TPST1: variants seen among roughly 807,000 people sequenced by gnomAD.
TPST1 encodes the protein protein-tyrosine sulfotransferase 1.
In TPST1, 20 loss-of-function variants were observed where a neutral mutation model predicts 34.8. That is an observed-to-expected ratio of 0.57 (90% CI 0.40 to 0.84). The LOEUF is 0.84. Ranked by LOEUF, TPST1 falls within the 40% of genes least tolerant of loss-of-function variation. The pLI, the probability that TPST1 is intolerant of heterozygous loss-of-function variation, is 0.00. For missense variants in TPST1, 353 were observed against 455.5 expected (o/e 0.78, Z 2.05); for synonymous variants, 152 against 159.4 (o/e 0.95, Z 0.35).
At chr7:66,308,085 T>G (rs538273477) in intron 3 of TPST1, among the ~76,000 whole-genome samples, 81 of 152,342 alleles carry the variant, frequency 5.3e-4, no homozygotes, top group Middle Eastern at 6.8e-3. Context: ...CCATCACTCC[T>G]TTGACACAAA....
chr7:66,296,262 CCA>C (rs1554349812), intron 3 of TPST1, among the ~76,000 whole-genome samples: 1,052 of 41,746 alleles, frequency 0.025, 39 homozygotes, highest in East Asian at 0.034. Context: ...CCCCCCTCCC[CCA>C]CCGTCTCTGC....
chr7:66,250,606 T>C (rs535318827), intron 2 of TPST1, among the ~76,000 whole-genome samples: 8 of 152,188 alleles, frequency 5.3e-5, no homozygotes, highest in Non-Finnish European at 1.2e-4. Context: ...GCAGATGATA[T>C]GTTCCAAGAC....
chr7:66,209,133 C>G (rs1308607919), intron 1 of TPST1, among the ~76,000 whole-genome samples: 1 of 151,956 alleles, frequency 6.6e-6, no homozygotes, highest in Non-Finnish European at 1.5e-5. Flanking sequence ...ATTAGCCGGG[C>G]GTGGTGGTGG....
In TPST1 at chr7:66,286,543, C is replaced by G; in HGVS notation, c.878C>G (p.Pro293Arg). 1 of 1,601,266 alleles carries G rather than the reference C, an allele frequency of 6.2e-7. No homozygotes were observed. The highest frequency in any genetic ancestry group is 2.3e-5 in the East Asian group (1 of 43,910). ...VERSTDQVIK[P>R]VNVGALSKWV... ...AGATCTACAGACCAAGTAATCAAGC[C>G]AGTCAATGTAGGAGCTCTATCAAAA... The change falls in exon 3 of 6, where the codon CCA (proline) becomes CGA (arginine). Residue 293 changes from proline (P) to arginine (R), a missense_variant. By Grantham distance (103) the Pro-to-Arg change is moderately radical (BLOSUM62 -2). Transcript: ENST00000304842.
At chr7:66,247,764 G>GT (rs1194822242) in intron 2 of TPST1, among the ~76,000 whole-genome samples, 1 of 152,152 alleles carries the variant, frequency 6.6e-6, no homozygotes, top group African/African-American at 2.4e-5. Context: ...ACTCCTGGGA[G>GT]AAGCCTGTGC....
intron 1 of TPST1, among the ~76,000 whole-genome samples, chr7:66,225,876 GTTTTGT>G (rs368227012): frequency 2.4e-4 from 36 of 152,158 alleles, no homozygotes; most frequent in South Asian, 4.2e-4. Flanking sequence ...TTAGGTACCT[GTTTTGT>G]TTTTGTTTTT....
chr7:66,268,041 C>CT (rs1790626727), intron 2 of TPST1, among the ~76,000 whole-genome samples: 1 of 152,048 alleles, frequency 6.6e-6, no homozygotes. Flanking sequence ...CAACCTCCTC[C>CT]TCTCGGGCTG....
intron 3 of TPST1, among the ~76,000 whole-genome samples, chr7:66,302,043 A>T (rs910174152): frequency 6.6e-6 from 1 of 152,218 alleles, no homozygotes; most frequent in Non-Finnish European, 1.5e-5. Flanking sequence ...TTAACTGCAT[A>T]CTGGACCTTT....
intron 3 of TPST1, among the ~76,000 whole-genome samples, chr7:66,314,125 A>T (rs997995678): frequency 3.5e-4 from 53 of 152,256 alleles, no homozygotes; most frequent in African/African-American, 1.2e-3. Context: ...AGGTATCCAC[A>T]TCTGAAGGCG....
At chr7:66,230,718 C>G (rs1033701347) in intron 1 of TPST1, among the ~76,000 whole-genome samples, 1 of 152,070 alleles carries the variant, frequency 6.6e-6, no homozygotes, top group African/African-American at 2.4e-5. Context: ...ACAAAGCTTC[C>G]ACAGTGTGGA....
intron 3 of TPST1, among the ~76,000 whole-genome samples, chr7:66,328,886 C>CTCTCTCTCTATATATA (rs757168858): frequency 4.5e-5 from 1 of 22,096 alleles, no homozygotes; most frequent in Non-Finnish European, 7.4e-5. Flanking sequence ...CTCTCTCTCT[C>CTCTCTCTCTATATATA]TATATATATA....
At chr7:66,321,307 A>T (rs1412306970) in intron 3 of TPST1, among the ~76,000 whole-genome samples, 1 of 152,252 alleles carries the variant, frequency 6.6e-6, no homozygotes, top group African/African-American at 2.4e-5. Flanking sequence ...TTTTGTGTCC[A>T]GAGTTTTTAT....
intron 3 of TPST1, among the ~76,000 whole-genome samples, chr7:66,327,885 C>T (rs887712130): frequency 6.6e-6 from 1 of 151,676 alleles, no homozygotes; most frequent in Non-Finnish European, 1.5e-5. Flanking sequence ...TTTTTAAAAA[C>T]TGATTTTAGT....
At chr7:66,342,196 A>T (rs1436474223) in intron 3 of TPST1, among the ~76,000 whole-genome samples, 2 of 152,196 alleles carry the variant, frequency 1.3e-5, no homozygotes, top group African/African-American at 4.8e-5. Flanking sequence ...ACCAAGGACA[A>T]AGAGAAGCTG....
intron 2 of TPST1, among the ~76,000 whole-genome samples, chr7:66,264,202 G>A (rs907391793): frequency 6.6e-6 from 1 of 152,182 alleles, no homozygotes; most frequent in Non-Finnish European, 1.5e-5. Context: ...AAATAATTTA[G>A]TCATTGCTTC....
chr7:66,356,701 T>G, intron 4 of TPST1, 124 bp from the exon 5 acceptor site: 1 of 1,044,846 alleles, frequency 9.6e-7, no homozygotes, highest in South Asian at 1.4e-5. Context: ...ACCACAGTAG[T>G]GCACTGAGTT....
chr7:66,294,887 T>C (rs574958981), intron 3 of TPST1, among the ~76,000 whole-genome samples: 1 of 152,266 alleles, frequency 6.6e-6, no homozygotes, highest in South Asian at 2.1e-4. Flanking sequence ...ATTTTCCCAT[T>C]GTGTGCATGC....
intron 2 of TPST1, among the ~76,000 whole-genome samples, chr7:66,284,445 T>G (rs1055434397): frequency 2.1e-5 from 3 of 144,068 alleles, no homozygotes; most frequent in African/African-American, 7.3e-5. Flanking sequence ...CTGTCTATAT[T>G]ATTGAATGAC....
chr7:66,337,498 A>G lies in TPST1; in HGVS notation c.1045-15007A>G, dbSNP rs570958641. Among the ~76,000 whole-genome samples, 10 of 151,934 alleles carry G rather than the reference A, an allele frequency of 6.6e-5. No individual in the cohort carries two copies. In the South Asian group the frequency reaches 2.1e-3, roughly 32 times the overall value. ...TTATTTTTGTATTTTTAGTAGAGAC[A>G]GTATTTCACAATGTTGGCCAGGCTG... On this transcript the variant is annotated intron_variant, in intron 3 of 5. Coordinates refer to ENST00000304842, the MANE Select transcript of TPST1 (RefSeq NM_003596.4).
Sources: allele counts gnomAD v4.1 joint callset (sites outside exome capture counted in the v4.1 genomes callset), GRCh38; gene constraint gnomAD v4.1.1; transcripts MANE v1.5; gene names NCBI Gene and HGNC (gene_info 2026-07-23, HGNC 2026-07-21).